ZNF615: variants seen among roughly 807,000 people sequenced by gnomAD.
The protein encoded by ZNF615 is zinc finger protein 615.
Under a neutral mutation model 15.3 loss-of-function variants are expected in ZNF615, and 15 were observed. The observed-to-expected ratio is 0.98, with a 90% CI of 0.66 to 1.51. ZNF615 has a LOEUF of 1.51. Among genes scored for constraint, ZNF615 ranks in the 40% most tolerant of loss-of-function variants. ZNF615 has a pLI of 0.00. For synonymous variants in ZNF615, 268 were observed against 294.6 expected, an observed-to-expected ratio of 0.91 and a Z score of 0.92; for missense variants, 848 against 895.9, an observed-to-expected ratio of 0.95 and a Z score of 0.68.
rs1346579563 is a variant in ZNF615 at position 51,998,431 on chromosome 19, C to G, written c.271+1915G>C. Among the ~76,000 whole-genome samples, 9 of 152,296 alleles carry G rather than the reference C, an allele frequency of 5.9e-5. No homozygotes were observed. In the South Asian group the frequency reaches 6.2e-4, roughly 11 times the overall value. On this transcript the variant is annotated intron_variant, in intron 6 of 6. Coordinates refer to ENST00000598071, the MANE Select transcript of ZNF615 (RefSeq NM_001199324.2). ...ACCTTAACAAAGAGCTGTTCCCACC[C>G]TACAAGCACAGTGCCAACTCCTAAC...
At chr19:51,998,594 T>C (rs575564404) in intron 6 of ZNF615, among the ~76,000 whole-genome samples, 1 of 152,364 alleles carries the variant, frequency 6.6e-6, no homozygotes, top group Admixed American at 6.5e-5. Flanking sequence ...AAGGACATGG[T>C]ATGTTTTTTC....
At chr19:52,007,416 T>C in intron 1 of ZNF615, 86 bp from the exon 2 acceptor site, 1 of 776,384 alleles carries the variant, frequency 1.3e-6, no homozygotes, top group Non-Finnish European at 1.8e-6. Context: ...CATACTACTT[T>C]TAGGTATGCT....
chr19:52,007,822 C>T (rs919692144), intron 1 of ZNF615: 2 of 343,718 alleles, frequency 5.8e-6, no homozygotes, highest in Admixed American at 8.9e-5. Flanking sequence ...CGCCAAAGGA[C>T]AACACCAAAG....
At chr19:52,006,424 G>A (rs1242313644) in intron 2 of ZNF615, among the ~76,000 whole-genome samples, 2 of 152,266 alleles carry the variant, frequency 1.3e-5, no homozygotes, top group Admixed American at 6.5e-5. Context: ...CACACAATGA[G>A]CAAGAAGCAG....
chr19:51,994,362 C>T lies in ZNF615; in HGVS notation c.747G>A (p.Gly249=). 1 of 1,614,050 alleles carries T rather than the reference C, an allele frequency of 6.2e-7. No individual in the cohort carries two copies. The highest frequency in any genetic ancestry group is 8.5e-7 in the Non-Finnish European group (1 of 1,180,018). ...GEKPHVCSMC[G]KAFSRKSRLM... ...GTCTGGATTTTCTGGAGAAAGCTTT[C>T]CCACACATACTGCATACATGAGGTT... The change falls in exon 7 of 7, where the codon GGG becomes GGA. Residue 249 remains glycine (G), a synonymous_variant. Coordinates refer to ENST00000598071, the MANE Select transcript of ZNF615 (RefSeq NM_001199324.2).
intron 5 of ZNF615, among the ~76,000 whole-genome samples, chr19:52,001,476 G>C (rs1007898802): frequency 2.6e-5 from 4 of 151,876 alleles, no homozygotes; most frequent in Non-Finnish European, 5.9e-5. Flanking sequence ...AAATTAGCTG[G>C]GCGTGGTGGT....
chr19:51,997,631 C>G (rs1048394784), intron 6 of ZNF615, among the ~76,000 whole-genome samples: 113 of 152,306 alleles, frequency 7.4e-4, no homozygotes, highest in African/African-American at 2.6e-3. Context: ...TCTTAACTGC[C>G]TTCTAAAAGA....
chr19:52,004,209 G>A (rs751756517), intron 2 of ZNF615, among the ~76,000 whole-genome samples: 6 of 152,152 alleles, frequency 3.9e-5, no homozygotes, highest in Non-Finnish European at 7.4e-5. Context: ...TTAGGAAAGA[G>A]GTCACATAGA....
chr19:51,995,201 A>AT (rs964805190), intron 6 of ZNF615, among the ~76,000 whole-genome samples: 56 of 152,360 alleles, frequency 3.7e-4, no homozygotes, highest in African/African-American at 1.3e-3. Flanking sequence ...TCTCTTACAC[A>AT]TAAAGGAAAT....
chr19:52,008,152 T>A lies in ZNF615; in HGVS notation c.-239A>T. On this transcript the variant is annotated 5_prime_UTR_variant, in exon 1 of 7. The change creates a premature stop within an existing upstream ORF in the 5' untranslated region. Coordinates refer to ENST00000598071, the MANE Select transcript of ZNF615 (RefSeq NM_001199324.2). ...GTGACTGAACTTACTTCCCAGAACT[T>A]GGTGGGCTCCGGCCTCATCTCTCGG... The A allele has an allele frequency of 6.5e-7, 1 of 1,535,480 alleles. No homozygotes were observed. Among genetic ancestry groups the A allele is most frequent in the Non-Finnish European group, 8.7e-7 (1 of 1,146,758 alleles).
intron 2 of ZNF615, 24 bp from the exon 3 acceptor site, chr19:52,003,924 G>A: frequency 7.5e-7 from 1 of 1,327,344 alleles, no homozygotes; most frequent in Non-Finnish European, 9.6e-7. Context: ...TACTCTGAGT[G>A]GTACATTCTT....
At chr19:51,999,947 A>G (rs2086543569) in intron 6 of ZNF615, among the ~76,000 whole-genome samples, 1 of 152,228 alleles carries the variant, frequency 6.6e-6, no homozygotes, top group Admixed American at 6.5e-5. Context: ...CTGCAGCACG[A>G]TTCACAACAG....
At chr19:52,002,373 T>C (rs565794530) in intron 3 of ZNF615, 92 bp from the exon 4 acceptor site, 17 of 1,569,330 alleles carry the variant, frequency 1.1e-5, no homozygotes, top group Middle Eastern at 1.7e-4. Context: ...TTTCACCACA[T>C]AGGAAGCTGG....
At chr19:52,004,986 TGCGGTGGCTCAC>T in intron 2 of ZNF615, 1 of 152,020 alleles carries the variant, frequency 6.6e-6, no homozygotes, top group African/African-American at 2.4e-5. Context: ...ATAGGCCGGG[TGCGGTGGCTCAC>T]GCCTGTAATC....
In ZNF615 at chr19:52,001,907, C is replaced by A. The variant is rs759382320; in HGVS notation, c.144G>T (p.Gly48=). The change falls in exon 5 of 7, where the codon GGG becomes GGT. Residue 48 remains glycine (G), a splice_region_variant and synonymous_variant. Coordinates refer to ENST00000598071, the MANE Select transcript of ZNF615 (RefSeq NM_001199324.2). ...GTGCATCTGGTTTGCTGGCTTGATA[C>A]CCTGTTCATGGGAAATGACAGAAGA... ...LENYSNLVAV[G]YQASKPDALS... 3.7e-6 allele frequency: 6 copies of A among 1,614,040 alleles called. No individual in the cohort carries two copies. The highest frequency in any genetic ancestry group is 5.1e-6 in the Non-Finnish European group (6 of 1,179,938).
intron 5 of ZNF615, 27 bp downstream of exon 5, chr19:52,001,786 G>C: frequency 6.3e-7 from 1 of 1,599,578 alleles, no homozygotes; most frequent in Middle Eastern, 1.7e-4. Context: ...GTCTGTGGCT[G>C]TCCACCTGGC....
intron 2 of ZNF615, 113 bp downstream of exon 2, chr19:52,007,180 G>C (rs1045949047): frequency 5.2e-6 from 3 of 576,292 alleles, no homozygotes; most frequent in Non-Finnish European, 8.2e-6. Flanking sequence ...AAAGATAATA[G>C]TACCATTTAC....
At position 51,993,728 on chromosome 19, in the gene ZNF615, G is replaced by A. The variant is rs753828140; in HGVS notation, c.1381C>T (p.His461Tyr). The change falls in exon 7 of 7, where the codon CAT (histidine) becomes TAT (tyrosine). Residue 461 changes from histidine to tyrosine, a missense_variant. By Grantham distance (83) the His-to-Tyr change is moderately conservative. Coordinates refer to ENST00000598071, the MANE Select transcript of ZNF615 (RefSeq NM_001199324.2). ...CATACATAGGGTTTCTCTCCAGTAT[G>A]TGTTCGCTGATGTCTGATGAGTGGG... ...KSPLIRHQRT[H>Y]TGEKPYVCTE... The A allele has an allele frequency of 6.2e-7, 1 of 1,613,972 alleles. No individual in the cohort carries two copies. The highest frequency in any genetic ancestry group is 1.1e-5 in the South Asian group (1 of 91,066).
chr19:52,008,000 G>T, intron 1 of ZNF615, 141 bp downstream of exon 1: 1 of 734,664 alleles, frequency 1.4e-6, no homozygotes, highest in Non-Finnish European at 2.2e-6. Context: ...CCCACGCTAA[G>T]CTCCTGAAAG....
Sources: gnomAD v4.1 joint callset for allele counts (sites outside exome capture counted in the v4.1 genomes callset) on GRCh38, gnomAD v4.1.1 for gene constraint, MANE v1.5 for transcripts, NCBI Gene and HGNC (gene_info 2026-07-23, HGNC 2026-07-21) for gene names.